The following ERI1 variants were observed in gnomAD, a reference collection of about 807,000 sequenced individuals.
The protein encoded by ERI1 is exoribonuclease 1, also known as 3'-5' exoribonuclease 1.
ERI1 carries 39 observed loss-of-function variants against 39.7 expected under a neutral mutation model. That is an observed-to-expected ratio of 0.98 (90% CI 0.76 to 1.28). The LOEUF (loss-of-function observed/expected upper bound fraction) is 1.28. Ranked by LOEUF, ERI1 falls within the 50% of genes most tolerant of loss-of-function variation. The pLI is 0.00. For synonymous variants in ERI1, 204 were observed against 149.6 expected, an observed-to-expected ratio of 1.36 and a Z score of -2.65; for missense variants, 581 against 416.9, an observed-to-expected ratio of 1.39 and a Z score of -3.43.
chr8:9,072,725 T>G (rs980200585), intron 3 of ERI1, among the ~76,000 whole-genome samples: 1 of 152,096 alleles, frequency 6.6e-6, no homozygotes, highest in African/African-American at 2.4e-5. Context: ...CACCAGAGCT[T>G]CATCTTGACA....
chr8:9,068,890 G>A (rs1023383642), intron 3 of ERI1, among the ~76,000 whole-genome samples: 1 of 152,042 alleles, frequency 6.6e-6, no homozygotes. Flanking sequence ...AGTCATGGCT[G>A]ACTGCAGCGT....
At chr8:9,063,728 G>C (rs1221734634) in intron 3 of ERI1, among the ~76,000 whole-genome samples, 1 of 152,186 alleles carries the variant, frequency 6.6e-6, no homozygotes, top group East Asian at 1.9e-4. Context: ...TTTACAACAA[G>C]AATTATTTAG....
chr8:9,043,100 C>A (rs1015758550), intron 3 of ERI1, among the ~76,000 whole-genome samples: 3 of 152,198 alleles, frequency 2.0e-5, no homozygotes, highest in Non-Finnish European at 4.4e-5. Context: ...GCCTTGGAAC[C>A]ATGCTTGACT....
intron 3 of ERI1, among the ~76,000 whole-genome samples, chr8:9,055,980 G>A (rs765767849): frequency 6.6e-6 from 1 of 152,204 alleles, no homozygotes; most frequent in South Asian, 2.1e-4. Flanking sequence ...GCAGGGGAAG[G>A]TCAGAGAGAA....
intron 1 of ERI1, among the ~76,000 whole-genome samples, chr8:9,005,512 A>G (rs1028643466): frequency 5.6e-5 from 8 of 141,672 alleles, no homozygotes; most frequent in African/African-American, 1.6e-4. Context: ...CAGTTTTTTT[A>G]TGTTTTTTTT....
intron 3 of ERI1, among the ~76,000 whole-genome samples, chr8:9,097,597 C>T (rs553992131): frequency 5.5e-5 from 8 of 146,542 alleles, no homozygotes; most frequent in South Asian, 2.1e-4. Context: ...TGAACCAGGG[C>T]GGCAGAAGTT....
intron 3 of ERI1, among the ~76,000 whole-genome samples, chr8:9,015,079 C>T (rs554693313): frequency 6.6e-6 from 1 of 152,162 alleles, no homozygotes; most frequent in South Asian, 2.1e-4. Flanking sequence ...TCAAGTAATC[C>T]ACCCCCCTTG....
Position 9,008,090 on chromosome 8 carries a change from A to G in ERI1, c.229A>G (p.Asn77Asp). ...GATTGCCATTACGAATGGCTGTATT[A>G]ATAGAATGAGTAAGGAAGAACTCAG... ...KEIAITNGCI[N>D]RMSKEELRAK... The change falls in exon 2 of 7, where the codon AAT becomes GAT. Residue 77 changes from asparagine to aspartate, a missense_variant. Physicochemically the swap from Asn to Asp is conservative, Grantham distance 23 (BLOSUM62 1). Coordinates refer to ENST00000250263, the MANE Select transcript of ERI1 (RefSeq NM_153332.4). 1.2e-6 allele frequency: 2 copies of G among 1,612,820 alleles called. No homozygotes were observed. Among genetic ancestry groups the G allele is most frequent in the Non-Finnish European group, 1.7e-6 (2 of 1,179,440 alleles).
At chr8:9,058,046 C>T (rs1798566420) in intron 3 of ERI1, among the ~76,000 whole-genome samples, 1 of 152,308 alleles carries the variant, frequency 6.6e-6, no homozygotes, top group Non-Finnish European at 1.5e-5. Flanking sequence ...AAGTTTTCAG[C>T]CACAAGAGTG....
intron 4 of ERI1, among the ~76,000 whole-genome samples, chr8:9,017,282 C>T (rs1817406664): frequency 1.3e-5 from 2 of 152,006 alleles, no homozygotes; most frequent in South Asian, 2.1e-4. Context: ...TGACGTCAAG[C>T]CCTCCTCGGT....
intron 3 of ERI1, among the ~76,000 whole-genome samples, chr8:9,085,940 A>G (rs1468452757): frequency 6.6e-6 from 1 of 152,076 alleles, no homozygotes; most frequent in African/African-American, 2.4e-5. Flanking sequence ...TGCTTTTTTT[A>G]AAGTGTGTGC....
At chr8:9,019,789 C>G (rs2117245920) in intron 5 of ERI1, among the ~76,000 whole-genome samples, 1 of 152,218 alleles carries the variant, frequency 6.6e-6, no homozygotes, top group South Asian at 2.1e-4. Flanking sequence ...TTATTTCCTG[C>G]TGAAGTTTAT....
At chr8:9,079,751 C>T (rs191424928) in intron 3 of ERI1, among the ~76,000 whole-genome samples, 65 of 152,166 alleles carry the variant, frequency 4.3e-4, no homozygotes, top group African/African-American at 1.4e-3. Context: ...CTCACTGCAG[C>T]CTTGACCTCC....
At chr8:9,020,324 A>G (rs1018742943) in intron 5 of ERI1, 26 bp from the exon 6 acceptor site, 21 of 1,346,230 alleles carry the variant, frequency 1.6e-5, no homozygotes, top group Middle Eastern at 3.7e-4. Flanking sequence ...TATTTCATCA[A>G]TTTTTTGTCC....
intron 3 of ERI1, among the ~76,000 whole-genome samples, chr8:9,077,641 C>A (rs181796288): frequency 6.6e-6 from 1 of 152,266 alleles, no homozygotes; most frequent in East Asian, 1.9e-4. Flanking sequence ...AGGCAGCAGA[C>A]CTCAGAGGAA....
At chr8:9,066,950 A>G (rs1024076822) in intron 3 of ERI1, among the ~76,000 whole-genome samples, 5 of 152,178 alleles carry the variant, frequency 3.3e-5, no homozygotes, top group Non-Finnish European at 7.3e-5. Flanking sequence ...CTACCTTGCA[A>G]TGTGGCAGAT....
At chr8:9,072,932 C>T (rs1432390507) in intron 3 of ERI1, among the ~76,000 whole-genome samples, 1 of 152,250 alleles carries the variant, frequency 6.6e-6, no homozygotes, top group Admixed American at 6.5e-5. Flanking sequence ...CGGGATGCGT[C>T]TTTCGGCCTC....
chr8:9,029,752 G>T (rs1370015892), intron 6 of ERI1, 40 bp from the exon 7 acceptor site: 5 of 1,611,078 alleles, frequency 3.1e-6, no homozygotes, highest in Middle Eastern at 1.7e-4. Flanking sequence ...TTACAGTTTA[G>T]AACACCAAAG....
At chr8:9,072,820 C>A (rs1799097157) in intron 3 of ERI1, among the ~76,000 whole-genome samples, 1 of 152,140 alleles carries the variant, frequency 6.6e-6, no homozygotes, top group African/African-American at 2.4e-5. Flanking sequence ...AGCAGAGGGT[C>A]AGGGTCAGGG....
Sources: allele counts gnomAD v4.1 joint callset (sites outside exome capture counted in the v4.1 genomes callset), GRCh38; gene constraint gnomAD v4.1.1; transcripts MANE v1.5; gene names NCBI Gene and HGNC (gene_info 2026-07-23, HGNC 2026-07-21).